Variants in GPHN observed in about 807,000 individuals in gnomAD.
GPHN encodes gephyrin.
A neutral mutation model predicts 95.5 loss-of-function variants in GPHN; 17 were observed. The ratio of observed to expected loss-of-function variants is 0.18; its 90% CI spans 0.12 to 0.27. GPHN has a LOEUF of 0.27. GPHN is among the 10% of genes least tolerant of loss of function. The pLI is 1.00. For missense variants in GPHN, 660 were observed against 978.1 expected (o/e 0.67, Z 4.34); for synonymous variants, 320 against 322.5 (o/e 0.99, Z 0.08).
At chr14:67,706,237 A>G in the GPHN span, 1 of 152,364 alleles carries the variant, frequency 6.6e-6, no homozygotes, top group African/African-American at 2.4e-5. Flanking sequence ...TGGGCAACAT[A>G]GCAATGCACG....
the GPHN span, among the ~76,000 whole-genome samples, chr14:67,456,876 C>A: frequency 6.6e-6 from 1 of 152,142 alleles, no homozygotes; most frequent in Admixed American, 6.5e-5. Flanking sequence ...ATGGAATCAA[C>A]CTAAATGCTC....
chr14:67,718,485 T>C, the GPHN span, among the ~76,000 whole-genome samples: 1 of 152,234 alleles, frequency 6.6e-6, no homozygotes, highest in African/African-American at 2.4e-5. Context: ...CTCTGCTTCA[T>C]AGCATGTGAT....
At chr14:67,142,290 A>G (rs1267252378) in intron 17 of GPHN, among the ~76,000 whole-genome samples, 1 of 152,222 alleles carries the variant, frequency 6.6e-6, no homozygotes, top group Non-Finnish European at 1.5e-5. Flanking sequence ...TGCCCAGTAG[A>G]TTTGTATGGA....
chr14:66,581,677 G>C (rs1368594584), intron 1 of GPHN, among the ~76,000 whole-genome samples: 2 of 151,896 alleles, frequency 1.3e-5, no homozygotes, highest in Admixed American at 6.6e-5. Flanking sequence ...GGCACATACA[G>C]ATTGAATGTG....
intron 9 of GPHN, among the ~76,000 whole-genome samples, chr14:67,017,017 G>A (rs1049340223): frequency 6.6e-6 from 1 of 151,962 alleles, no homozygotes; most frequent in African/African-American, 2.4e-5. Context: ...AGTGTTAAAT[G>A]TCACATCCAA....
At chr14:67,473,303 G>A in the GPHN span, 1 of 1,428,866 alleles carries the variant, frequency 7.0e-7, no homozygotes, top group Non-Finnish European at 9.5e-7. The surrounding 1 kb of genome is among the most constrained non-coding windows in gnomAD (Gnocchi z 6.5). Context: ...GTGCCCTATA[G>A]GGCTGAGGCT....
At chr14:67,067,095 T>C (rs571279965) in intron 11 of GPHN, among the ~76,000 whole-genome samples, 1 of 152,240 alleles carries the variant, frequency 6.6e-6, no homozygotes, top group Non-Finnish European at 1.5e-5. Flanking sequence ...TTGACGTTGG[T>C]GACCTACAGA....
intron 1 of GPHN, among the ~76,000 whole-genome samples, chr14:66,617,010 G>A (rs906909198): frequency 3.9e-5 from 6 of 152,080 alleles, no homozygotes; most frequent in African/African-American, 1.2e-4. Context: ...GCGCCCGGCT[G>A]AACAGGACCC....
chr14:67,660,317 GC>G, the GPHN span: 1 of 156,570 alleles, frequency 6.4e-6, no homozygotes, highest in African/African-American at 2.4e-5. Flanking sequence ...AGGCACAGTG[GC>G]TCAAACCTGT....
chr14:67,193,328 CTCTATATAGATATCTA>C, the GPHN span, among the ~76,000 whole-genome samples: 7 of 134,622 alleles, frequency 5.2e-5, no homozygotes, highest in Non-Finnish European at 1.1e-4. Context: ...ATCTATATAT[CTCTATATAGATATCTA>C]TCTATATAGA....
chr14:66,946,665 A>C (rs1029517299), intron 8 of GPHN, among the ~76,000 whole-genome samples: 1 of 152,174 alleles, frequency 6.6e-6, no homozygotes, highest in Non-Finnish European at 1.5e-5. Flanking sequence ...GGCCTCCCAA[A>C]GTGCTCGGAT....
the GPHN span, among the ~76,000 whole-genome samples, chr14:67,733,342 A>T: frequency 6.6e-6 from 1 of 152,144 alleles, no homozygotes; most frequent in East Asian, 1.9e-4. Context: ...TCCAACTGAG[A>T]TTTGGCATTT....
chr14:67,670,544 C>A, the GPHN span, among the ~76,000 whole-genome samples: 7 of 151,708 alleles, frequency 4.6e-5, no homozygotes, highest in African/African-American at 2.4e-5. Context: ...ATTAATCACA[C>A]ACTTGGTTGT....
intron 1 of GPHN, among the ~76,000 whole-genome samples, chr14:66,589,538 A>T (rs78668259): frequency 1.4e-4 from 20 of 146,778 alleles, no homozygotes; most frequent in African/African-American, 3.5e-4. Flanking sequence ...CAACAAAGAT[A>T]AAAAAAAAAG....
chr14:67,099,461 A>G (rs1340032155), intron 12 of GPHN, among the ~76,000 whole-genome samples: 12 of 152,058 alleles, frequency 7.9e-5, no homozygotes, highest in Admixed American at 7.9e-4. Flanking sequence ...AAAATAACCC[A>G]TGAAAATGGC....
At chr14:67,225,268 A>G in the GPHN span, 2 of 1,494,764 alleles carry the variant, frequency 1.3e-6, no homozygotes, top group East Asian at 2.5e-5. Flanking sequence ...AACTAAAGGT[A>G]ACTTTTTAAT....
At chr14:66,567,749 T>C (rs544625435) in intron 1 of GPHN, among the ~76,000 whole-genome samples, 2 of 152,352 alleles carry the variant, frequency 1.3e-5, no homozygotes, top group South Asian at 4.1e-4. Flanking sequence ...CAGTAACTAA[T>C]TGTTTAATAC....
chr14:66,590,758 T>G (rs2061606452), intron 1 of GPHN, among the ~76,000 whole-genome samples: 2 of 152,338 alleles, frequency 1.3e-5, no homozygotes, highest in South Asian at 4.1e-4. Flanking sequence ...CTTCTGAAAC[T>G]GTTCCAAACA....
intron 1 of GPHN, among the ~76,000 whole-genome samples, chr14:66,634,009 G>A (rs1413601803): frequency 6.7e-6 from 1 of 148,450 alleles, no homozygotes; most frequent in Non-Finnish European, 1.5e-5. Flanking sequence ...GTCATGAATT[G>A]TTTTCCTGGT....
Sources: allele counts gnomAD v4.1 joint callset (sites outside exome capture counted in the v4.1 genomes callset), GRCh38; gene constraint gnomAD v4.1.1; non-coding constraint Gnocchi (gnomAD v3.1); transcripts MANE v1.5; gene names NCBI Gene and HGNC (gene_info 2026-07-23, HGNC 2026-07-21).